The following LMOD1 variants were observed in gnomAD, a reference collection of about 807,000 sequenced individuals.
The protein encoded by LMOD1 is leiomodin 1, also known as leiomodin-1.
In LMOD1, 8 loss-of-function variants were observed where a neutral mutation model predicts 36.5. The ratio of observed to expected loss-of-function variants is 0.22; its 90% CI spans 0.13 to 0.40. The LOEUF is 0.40. LMOD1 is among the 10% of genes least tolerant of loss of function. The probability of loss-of-function intolerance (pLI) is 1.00; values close to 1 mark genes in which losing one functional copy is unlikely to be tolerated. For synonymous variants in LMOD1, 284 were observed against 288.7 expected (o/e 0.98, Z 0.17); for missense variants, 630 against 751.1 (o/e 0.84, Z 1.88).
chr1:201,901,559 TATATGTATATATATATATATATATAC>T (rs1681311581), intron 1 of LMOD1, among the ~76,000 whole-genome samples: 1 of 31,802 alleles, frequency 3.1e-5, no homozygotes, highest in African/African-American at 1.9e-4. Context: ...TATACATATA[TATATGTATATATATATATATATATAC>T]ATATATATAT....
At chr1:201,903,697 T>C (rs78435196) in intron 1 of LMOD1, among the ~76,000 whole-genome samples, 2,503 of 152,112 alleles carry the variant, frequency 0.016, 71 homozygotes, top group African/African-American at 0.057. Context: ...AGCTTGGAGG[T>C]GAGAGCTGGA....
At chr1:201,932,287 G>T (rs1328498599) in intron 1 of LMOD1, among the ~76,000 whole-genome samples, 1 of 152,142 alleles carries the variant, frequency 6.6e-6, no homozygotes, top group Admixed American at 6.5e-5. Context: ...GCCATGAAAT[G>T]GGATATGCCT....
chr1:201,915,510 TG>T (rs1454351983), intron 1 of LMOD1, among the ~76,000 whole-genome samples: 1 of 152,032 alleles, frequency 6.6e-6, no homozygotes, highest in Non-Finnish European at 1.5e-5. Flanking sequence ...ATTCCCTATC[TG>T]GGCAAGTGGC....
At chr1:201,922,767 T>C (rs1311739540) in intron 1 of LMOD1, among the ~76,000 whole-genome samples, 1 of 150,962 alleles carries the variant, frequency 6.6e-6, no homozygotes, top group Non-Finnish European at 1.5e-5. Context: ...TTCAGTATAT[T>C]TGCCGAATAT....
At chr1:201,935,028 G>A (rs956661606) in intron 1 of LMOD1, among the ~76,000 whole-genome samples, 1 of 152,186 alleles carries the variant, frequency 6.6e-6, no homozygotes, top group Non-Finnish European at 1.5e-5. Context: ...ACAGACTGAT[G>A]AATCCCAAAT....
chr1:201,944,536 G>T (rs546549101), intron 1 of LMOD1, among the ~76,000 whole-genome samples: 5 of 152,296 alleles, frequency 3.3e-5, no homozygotes, highest in African/African-American at 1.2e-4. Context: ...TGATAGCTGT[G>T]TTGGGGTACC....
chr1:201,924,010 G>A (rs1453594592), intron 1 of LMOD1, among the ~76,000 whole-genome samples: 2 of 150,766 alleles, frequency 1.3e-5, no homozygotes, highest in Non-Finnish European at 3.0e-5. Flanking sequence ...AAAGAGAAAA[G>A]AAAGAAAAAG....
In LMOD1 at chr1:201,901,522, ATATATATG is replaced by A. The variant is rs1295113071; in HGVS notation, c.262-779_262-772del. On this transcript the variant is annotated intron_variant, in intron 1 of 2. Coordinates refer to ENST00000367288, the MANE Select transcript of LMOD1 (RefSeq NM_012134.3). ...TGTCTCAAAAAAAAAATATATATAT[ATATATATG>A]TATATATATATATATATATATACAT... Among the ~76,000 whole-genome samples, 25 of 40,994 alleles carry A rather than the reference ATATATATG, an allele frequency of 6.1e-4. 1 individual carries two copies. Among genetic ancestry groups the A allele is most frequent in the African/African-American group, 1.6e-3 (15 of 9,278 alleles). The allele number at this position is 40,994 out of a possible 152,430, so 26.9% of individuals were successfully genotyped here. A position where few individuals can be genotyped will look rare whatever the true frequency, so the allele number is the denominator to read the frequency against.
chr1:201,933,595 TTATATA>T (rs71141426), intron 1 of LMOD1, among the ~76,000 whole-genome samples: 1,079 of 63,206 alleles, frequency 0.017, 41 homozygotes, highest in African/African-American at 0.045. Flanking sequence ...TATACATACA[TTATATA>T]TATATATATA....
chr1:201,939,760 C>CTGTG lies in LMOD1; in HGVS notation c.261+6316_261+6319dup, dbSNP rs56135181. ...GCTGTGTGTTGTTCCTCTGCTCCTG[C>CTGTG]TGTGTGTGTGTGTGTGTGTGTGTGT... On this transcript the variant is annotated intron_variant, in intron 1 of 2. Transcript: ENST00000367288. Among the ~76,000 whole-genome samples, 336 of 149,270 alleles carry CTGTG rather than the reference C, an allele frequency of 2.3e-3. 2 individuals are homozygous for CTGTG. The highest frequency in any genetic ancestry group is 0.013 in the South Asian group (59 of 4,608).
At chr1:201,911,591 G>C (rs1279279399) in intron 1 of LMOD1, among the ~76,000 whole-genome samples, 1 of 152,128 alleles carries the variant, frequency 6.6e-6, no homozygotes, top group African/African-American at 2.4e-5. Context: ...CTTGAACCCG[G>C]GAGGTGAAGG....
rs1682161213 is a variant in LMOD1 at position 201,943,891 on chromosome 1, A to T, written c.261+2189T>A. ...CTTACACAGAGACACCATTACTCAA[A>T]CCAGGTTTTTCTAATACTTAAATCC... is the stretch of plus-strand genomic sequence containing the variant. On this transcript the variant is annotated intron_variant, in intron 1 of 2. Coordinates refer to ENST00000367288, the MANE Select transcript of LMOD1 (RefSeq NM_012134.3). Among the ~76,000 whole-genome samples, 3 of 152,174 alleles carry T rather than the reference A, an allele frequency of 2.0e-5. No individual in the cohort carries two copies. In the South Asian group the frequency reaches 6.2e-4, roughly 32 times the overall value.
At chr1:201,936,762 C>A (rs1682027673) in intron 1 of LMOD1, among the ~76,000 whole-genome samples, 1 of 152,022 alleles carries the variant, frequency 6.6e-6, no homozygotes, top group Non-Finnish European at 1.5e-5. Flanking sequence ...CATGGTGAAA[C>A]CCCCTCCCTG....
intron 1 of LMOD1, 24 bp from the exon 2 acceptor site, chr1:201,900,775 A>C: frequency 1.3e-6 from 2 of 1,555,802 alleles, no homozygotes; most frequent in Non-Finnish European, 1.7e-6. Context: ...AAAGAAAAAT[A>C]ATCATGAAAA....
chr1:201,937,926 C>T (rs1682043184), intron 1 of LMOD1, among the ~76,000 whole-genome samples: 1 of 152,130 alleles, frequency 6.6e-6, no homozygotes, highest in Non-Finnish European at 1.5e-5. Flanking sequence ...TCCTTGTAAA[C>T]ATAAAGCATG....
intron 1 of LMOD1, among the ~76,000 whole-genome samples, chr1:201,904,262 G>A (rs1473913727): frequency 6.6e-6 from 1 of 152,132 alleles, no homozygotes; most frequent in Non-Finnish European, 1.5e-5. Flanking sequence ...CCAGGCTGGA[G>A]TGCAATGCCG....
intron 1 of LMOD1, among the ~76,000 whole-genome samples, chr1:201,907,415 C>T (rs1017263011): frequency 7.9e-5 from 12 of 152,178 alleles, no homozygotes; most frequent in Admixed American, 2.0e-4. Flanking sequence ...GATTAAGCCT[C>T]GAGGGCAGGC....
At chr1:201,925,965 C>G (rs1472813580) in intron 1 of LMOD1, among the ~76,000 whole-genome samples, 1 of 152,148 alleles carries the variant, frequency 6.6e-6, no homozygotes, top group Non-Finnish European at 1.5e-5. Context: ...CCTCCCATCT[C>G]AGCCTCCCAA....
At chr1:201,939,723 C>T (rs928381416) in intron 1 of LMOD1, among the ~76,000 whole-genome samples, 3 of 152,014 alleles carry the variant, frequency 2.0e-5, no homozygotes, top group Admixed American at 2.0e-4. Context: ...ACTCCTGTCC[C>T]CCATGCATGG....
Sources: allele counts gnomAD v4.1 joint callset (sites outside exome capture counted in the v4.1 genomes callset), GRCh38; gene constraint gnomAD v4.1.1; transcripts MANE v1.5; gene names NCBI Gene and HGNC (gene_info 2026-07-23, HGNC 2026-07-21).